LHFPL3: variants seen among roughly 807,000 people sequenced by gnomAD.
The protein encoded by LHFPL3 is LHFPL tetraspan subfamily member 3.
LHFPL3 carries 5 observed loss-of-function variants against 19.3 expected under a neutral mutation model. The observed-to-expected ratio is 0.26, with a 90% CI of 0.14 to 0.54. The LOEUF (loss-of-function observed/expected upper bound fraction) is 0.54. Among genes scored for constraint, LHFPL3 ranks in the 20% least tolerant of loss-of-function variants. The probability of loss-of-function intolerance (pLI) is 0.94; values close to 1 mark genes in which losing one functional copy is unlikely to be tolerated. For synonymous variants in LHFPL3, 133 were observed against 126.2 expected (o/e 1.05, Z -0.36); for missense variants, 249 against 307.4 (o/e 0.81, Z 1.42).
At chr7:104,573,370 C>A (rs1230188841) in intron 1 of LHFPL3, among the ~76,000 whole-genome samples, 1 of 150,568 alleles carries the variant, frequency 6.6e-6, no homozygotes, top group Admixed American at 6.6e-5. Flanking sequence ...CGAGATCACA[C>A]CACTGCACTC....
rs193043703 is a variant in LHFPL3 at position 104,880,579 on chromosome 7, A to C, written c.683-25608A>C. Reference sequence around the variant, plus strand: ...TCTAAATCTACTCTGCCTGAGCTCTAGAAATGGAACAACAAAGCCTGGGTG... The same window carrying C: ...TCTAAATCTACTCTGCCTGAGCTCTCGAAATGGAACAACAAAGCCTGGGTG... On this transcript the variant is annotated intron_variant, in intron 2 of 2. Transcript: ENST00000424859. Among the ~76,000 whole-genome samples the C allele has an allele frequency of 1.0e-3, 156 of 152,270 alleles. 1 individual carries two copies. The highest frequency in any genetic ancestry group is 3.6e-3 in the African/African-American group (151 of 41,556).
intron 2 of LHFPL3, among the ~76,000 whole-genome samples, chr7:104,822,069 C>A (rs1790685827): frequency 6.6e-6 from 1 of 152,182 alleles, no homozygotes; most frequent in Non-Finnish European, 1.5e-5. Context: ...AGGGGAGGGC[C>A]TTGCAATGAT....
chr7:104,657,437 AT>A (rs1203421037), intron 1 of LHFPL3, among the ~76,000 whole-genome samples: 2 of 152,216 alleles, frequency 1.3e-5, no homozygotes, highest in African/African-American at 4.8e-5. Context: ...CATTCTGAAA[AT>A]AAAAAGTCTA....
At chr7:104,827,460 T>A (rs1273760668) in intron 2 of LHFPL3, among the ~76,000 whole-genome samples, 1 of 152,002 alleles carries the variant, frequency 6.6e-6, no homozygotes, top group African/African-American at 2.4e-5. Context: ...GTGAAACTAG[T>A]GTCACCTTAT....
chr7:104,793,619 C>A (rs1790064403), intron 2 of LHFPL3, among the ~76,000 whole-genome samples: 1 of 152,198 alleles, frequency 6.6e-6, no homozygotes. Context: ...CAGCAACCAG[C>A]TGGACCTGCA....
intron 1 of LHFPL3, among the ~76,000 whole-genome samples, chr7:104,663,426 C>T (rs527310452): frequency 4.5e-4 from 69 of 152,344 alleles, no homozygotes; most frequent in African/African-American, 1.6e-3. Context: ...AAAGATCATG[C>T]AGCGATTCTG....
intron 1 of LHFPL3, among the ~76,000 whole-genome samples, chr7:104,619,286 A>G (rs1791401550): frequency 6.6e-6 from 1 of 152,150 alleles, no homozygotes; most frequent in Admixed American, 6.6e-5. Flanking sequence ...AAAATATCCT[A>G]TCATTATTGC....
chr7:104,359,587 G>A (rs1275166584), intron 1 of LHFPL3, among the ~76,000 whole-genome samples: 1 of 152,168 alleles, frequency 6.6e-6, no homozygotes, highest in African/African-American at 2.4e-5. Context: ...TCATGTTCTT[G>A]AGTCCTGCAC....
intron 1 of LHFPL3, among the ~76,000 whole-genome samples, chr7:104,712,869 T>C (rs1793321745): frequency 6.6e-6 from 1 of 152,228 alleles, no homozygotes; most frequent in Non-Finnish European, 1.5e-5. Flanking sequence ...TGTTTGACTC[T>C]TTAAAATCAA....
intron 1 of LHFPL3, among the ~76,000 whole-genome samples, chr7:104,396,491 A>T (rs533725859): frequency 1.3e-5 from 2 of 152,204 alleles, no homozygotes; most frequent in South Asian, 4.1e-4. Flanking sequence ...TAAATACTAT[A>T]ATGCTGGGTT....
At chr7:104,822,976 A>G (rs1790704979) in intron 2 of LHFPL3, among the ~76,000 whole-genome samples, 1 of 152,076 alleles carries the variant, frequency 6.6e-6, no homozygotes, top group Admixed American at 6.6e-5. Context: ...AAACCAAAGT[A>G]CCTTGGGGTC....
At chr7:104,462,274 C>G (rs1264030397) in intron 1 of LHFPL3, among the ~76,000 whole-genome samples, 1 of 152,162 alleles carries the variant, frequency 6.6e-6, no homozygotes, top group African/African-American at 2.4e-5. Flanking sequence ...ACTTCCAATA[C>G]TACATTGAAT....
In LHFPL3 at chr7:104,328,611, G is replaced by A. The variant is rs1176529162; in HGVS notation, c.-169G>A. The A allele has an allele frequency of 3.1e-6, 2 of 643,862 alleles. No individual in the cohort carries two copies. The highest frequency in any genetic ancestry group is 3.6e-5 in the African/African-American group (2 of 54,832). 39.9% of individuals were successfully genotyped at this position (643,862 alleles called of 1,614,324 possible). On this transcript the variant is annotated 5_prime_UTR_variant, in exon 1 of 3. Transcript: ENST00000424859. This position sits in a 1 kb window ranked among gnomAD's most constrained non-coding sequence, Gnocchi z 4.6. ...CCGGAGGGGTGCTCCGCGCTCCCCC[G>A]CCCTCCTTCCGGGAGCGAGGATGCA...
At chr7:104,716,798 A>AT (rs941661629) in intron 1 of LHFPL3, among the ~76,000 whole-genome samples, 6 of 152,180 alleles carry the variant, frequency 3.9e-5, no homozygotes, top group African/African-American at 1.4e-4. Flanking sequence ...TCCCAGTGGC[A>AT]TTTTTTTACA....
chr7:104,423,511 T>C (rs113037534), intron 1 of LHFPL3, among the ~76,000 whole-genome samples: 2,334 of 152,186 alleles, frequency 0.015, 62 homozygotes, highest in African/African-American at 0.053. Context: ...CTACTCCTGA[T>C]CACAGAATTT....
intron 1 of LHFPL3, among the ~76,000 whole-genome samples, chr7:104,685,933 A>G (rs1169631642): frequency 2.0e-5 from 3 of 152,356 alleles, no homozygotes; most frequent in Admixed American, 2.0e-4. Context: ...GGAGCCTACC[A>G]TTCAGATAAC....
intron 1 of LHFPL3, among the ~76,000 whole-genome samples, chr7:104,472,658 G>T (rs371428682): frequency 6.6e-6 from 1 of 151,826 alleles, no homozygotes; most frequent in Admixed American, 6.6e-5. Flanking sequence ...TATGTAACTC[G>T]TTTTTTTCAA....
chr7:104,370,521 G>A (rs1409419354), intron 1 of LHFPL3, among the ~76,000 whole-genome samples: 1 of 152,146 alleles, frequency 6.6e-6, no homozygotes, highest in Non-Finnish European at 1.5e-5. Flanking sequence ...TGGAGGGGTG[G>A]GTTTGAAGCT....
intron 1 of LHFPL3, among the ~76,000 whole-genome samples, chr7:104,462,258 G>T (rs1017321147): frequency 6.6e-6 from 1 of 152,092 alleles, no homozygotes; most frequent in Non-Finnish European, 1.5e-5. Flanking sequence ...GATTGCTCTG[G>T]CCAGGACTTC....
Sources: gnomAD v4.1 joint callset for allele counts (sites outside exome capture counted in the v4.1 genomes callset) on GRCh38, gnomAD v4.1.1 for gene constraint, Gnocchi (gnomAD v3.1) non-coding constraint, MANE v1.5 for transcripts, NCBI Gene and HGNC (gene_info 2026-07-23, HGNC 2026-07-21) for gene names.